Variants in CUL1 observed in about 807,000 individuals in gnomAD.
CUL1 encodes the protein cullin 1.
In CUL1, 24 loss-of-function variants were observed where a neutral mutation model predicts 118.0. That is an observed-to-expected ratio of 0.20 (90% CI 0.15 to 0.29). CUL1 has a LOEUF of 0.29. Ranked by LOEUF, CUL1 falls within the 10% of genes least tolerant of loss-of-function variation. CUL1 has a pLI of 1.00. For missense variants in CUL1, 361 were observed against 933.8 expected (o/e 0.39, Z 7.99); for synonymous variants, 332 against 340.4 (o/e 0.98, Z 0.27).
At chr7:148,788,368 G>A (rs574902516) in intron 13 of CUL1, among the ~76,000 whole-genome samples, 189 bp from the exon 14 acceptor site, 11 of 152,242 alleles carry the variant, frequency 7.2e-5, no homozygotes, top group African/African-American at 2.6e-4. Context: ...GAGTTGTGGG[G>A]TTTTTTGACA....
intron 1 of CUL1, among the ~76,000 whole-genome samples, chr7:148,728,900 T>A (rs1798668122): frequency 6.6e-6 from 1 of 152,242 alleles, no homozygotes. Flanking sequence ...GACATAGGTT[T>A]GCAGGCTTTG....
Position 148,800,657 on chromosome 7 carries a change from C to A in CUL1, c.*75C>A. On this transcript the variant is annotated 3_prime_UTR_variant, in exon 22 of 22. Transcript: ENST00000325222. This position sits in a 1 kb window ranked among gnomAD's most constrained non-coding sequence, Gnocchi z 4.6. ...GGAAAGAATGAAAACAACTCAAGTT[C>A]ATAGCAGCCAGCCTGCCGCCATTGG... is the stretch of plus-strand genomic sequence containing the variant. 2 of 1,220,424 alleles carry A rather than the reference C, an allele frequency of 1.6e-6. No homozygotes were observed. Among genetic ancestry groups the A allele is most frequent in the South Asian group, 1.3e-5 (1 of 77,396 alleles). The allele number at this position is 1,220,424 out of a possible 1,614,324, so 75.6% of individuals were successfully genotyped here.
chr7:148,700,183 G>A (rs746015953), intron 1 of CUL1, among the ~76,000 whole-genome samples: 7 of 152,192 alleles, frequency 4.6e-5, no homozygotes, highest in Non-Finnish European at 8.8e-5. Context: ...TTTGCTCTGT[G>A]TAATTGCTCT....
At chr7:148,776,291 GTCTAACATAACCAGGCTT>G (rs1294165038) in intron 9 of CUL1, among the ~76,000 whole-genome samples, 1 of 115,454 alleles carries the variant, frequency 8.7e-6, no homozygotes, top group African/African-American at 3.3e-5. Context: ...TCATTTTGGA[GTCTAACATAACCAGGCTT>G]TTTTTTTTTT....
At chr7:148,764,565 C>T (rs1210053928) in intron 7 of CUL1, among the ~76,000 whole-genome samples, 1 of 152,192 alleles carries the variant, frequency 6.6e-6, no homozygotes, top group Admixed American at 6.5e-5. Flanking sequence ...AATCTTTCAT[C>T]TCGGAAGGGG....
intron 1 of CUL1, among the ~76,000 whole-genome samples, chr7:148,710,599 A>G (rs866483297): frequency 2.0e-5 from 3 of 152,180 alleles, no homozygotes; most frequent in South Asian, 4.1e-4. Context: ...GTAAATGTCT[A>G]GAGGCTTACT....
At chr7:148,775,209 G>A (rs552519144) in intron 9 of CUL1, among the ~76,000 whole-genome samples, 7 of 152,296 alleles carry the variant, frequency 4.6e-5, no homozygotes, top group African/African-American at 9.6e-5. Context: ...AGTGAAGTGC[G>A]TGATTAAATA....
At chr7:148,701,633 G>T (rs1470443852) in intron 1 of CUL1, among the ~76,000 whole-genome samples, 7 of 152,284 alleles carry the variant, frequency 4.6e-5, no homozygotes, top group African/African-American at 1.7e-4. Context: ...CAAGCCCCAT[G>T]GTTCTGCTGG....
chr7:148,735,295 G>T (rs1357023944), intron 2 of CUL1, among the ~76,000 whole-genome samples: 1 of 152,226 alleles, frequency 6.6e-6, no homozygotes, highest in Non-Finnish European at 1.5e-5. Context: ...GCTGTGCTTT[G>T]CAGGGACACC....
rs372233953 is a variant in CUL1 at position 148,787,160 on chromosome 7, T to C, written c.1479+40T>C. The C allele has an allele frequency of 6.2e-7, 1 of 1,608,154 alleles. No homozygotes were observed. ...TTCCTGAAAAATCCCAGCTTCTGAGTCATTATTAAAACAGCTCTATGGCCG... is the reference window on the plus strand; with the variant it reads ...TTCCTGAAAAATCCCAGCTTCTGAGCCATTATTAAAACAGCTCTATGGCCG... On this transcript the variant is annotated intron_variant, in intron 13 of 21. Transcript: ENST00000325222. The surrounding 1 kb of genome is among the most constrained non-coding windows in gnomAD (Gnocchi z 5.5).
chr7:148,723,137 TTTC>T (rs1295124082), intron 1 of CUL1, among the ~76,000 whole-genome samples: 5 of 152,226 alleles, frequency 3.3e-5, no homozygotes, highest in Admixed American at 2.6e-4. Flanking sequence ...ACTGCTGCCT[TTTC>T]TTCTCTTGGC....
At chr7:148,790,544 G>T (rs567328468) in intron 16 of CUL1, 103 bp downstream of exon 16, 788 of 1,020,782 alleles carry the variant, frequency 7.7e-4, no homozygotes, top group Non-Finnish European at 1.1e-3. Flanking sequence ...CTAGAATTCA[G>T]CTTCTGGTGA....
chr7:148,784,214 A>C, intron 11 of CUL1, 137 bp downstream of exon 11: 1 of 703,854 alleles, frequency 1.4e-6, no homozygotes, highest in Admixed American at 2.5e-5. Flanking sequence ...CTTAAACATA[A>C]TCGTCCTTGC....
At chr7:148,744,995 G>A (rs1362095127) in intron 2 of CUL1, among the ~76,000 whole-genome samples, 1 of 151,700 alleles carries the variant, frequency 6.6e-6, no homozygotes. Flanking sequence ...CTTTTTCTGT[G>A]TTACGTTCTT....
chr7:148,780,330 G>C (rs1341442399), intron 9 of CUL1, among the ~76,000 whole-genome samples: 1 of 152,220 alleles, frequency 6.6e-6, no homozygotes, highest in Non-Finnish European at 1.5e-5. Context: ...TGTTAAAACT[G>C]AATGATGAGT....
chr7:148,757,215 G>A, intron 4 of CUL1, 65 bp downstream of exon 4: 1 of 1,098,776 alleles, frequency 9.1e-7, no homozygotes, highest in Non-Finnish European at 1.2e-6. Context: ...ATGGCAAATT[G>A]TCTTTCAGCA....
At chr7:148,748,840 AT>A (rs773269547) in intron 2 of CUL1, among the ~76,000 whole-genome samples, 1 of 152,188 alleles carries the variant, frequency 6.6e-6, no homozygotes, top group Non-Finnish European at 1.5e-5. Flanking sequence ...ATGAAATTAA[AT>A]TTTTTTGAAG....
intron 3 of CUL1, among the ~76,000 whole-genome samples, chr7:148,755,155 C>A (rs1799615636): frequency 6.6e-6 from 1 of 152,194 alleles, no homozygotes; most frequent in African/African-American, 2.4e-5. Context: ...CCACTCCAAG[C>A]CTTTGGTTGG....
Position 148,774,647 on chromosome 7 carries a change from C to T in CUL1, c.1083+6898C>T, listed in dbSNP as rs1464336588. Among the ~76,000 whole-genome samples, 5 of 152,226 alleles carry T rather than the reference C, an allele frequency of 3.3e-5. No individual in the cohort carries two copies. In the East Asian group the frequency reaches 9.6e-4, roughly 29 times the overall value. On this transcript the variant is annotated intron_variant, in intron 9 of 21. Coordinates refer to ENST00000325222, the MANE Select transcript of CUL1 (RefSeq NM_003592.3). ...TTGGTCTTCAGGGCAGAAGTAGCAACAAAAAAGCACAAGTCCTCTTTGAAA... is the reference window on the plus strand; with the variant it reads ...TTGGTCTTCAGGGCAGAAGTAGCAATAAAAAAGCACAAGTCCTCTTTGAAA...
Sources: allele counts gnomAD v4.1 joint callset (sites outside exome capture counted in the v4.1 genomes callset), GRCh38; gene constraint gnomAD v4.1.1; non-coding constraint Gnocchi (gnomAD v3.1); transcripts MANE v1.5; gene names NCBI Gene and HGNC (gene_info 2026-07-23, HGNC 2026-07-21).